RYR2: variants seen among roughly 807,000 people sequenced by gnomAD.
RYR2 encodes the protein cardiac muscle ryanodine receptor-calcium release channel.
RYR2 carries 227 observed loss-of-function variants against 601.1 expected under a neutral mutation model. The ratio of observed to expected loss-of-function variants is 0.38; its 90% CI spans 0.34 to 0.42. The LOEUF (loss-of-function observed/expected upper bound fraction) is 0.42, where lower values mean the gene tolerates loss of function less well. RYR2 is among the 10% of genes least tolerant of loss of function. The pLI, the probability that RYR2 is intolerant of heterozygous loss-of-function variation, is 1.00. For missense variants in RYR2, 4,646 were observed against 6,156.5 expected (o/e 0.75, Z 8.21); for synonymous variants, 2,223 against 2,175.1 (o/e 1.02, Z -0.61).
intron 1 of RYR2, among the ~76,000 whole-genome samples, chr1:237,205,265 C>T (rs12065439): frequency 0.18 from 27,208 of 152,112 alleles, 3,541 homozygotes; most frequent in African/African-American, 0.37. Context: ...CACAGGGTTC[C>T]GAGTGCTGAG....
intron 1 of RYR2, among the ~76,000 whole-genome samples, chr1:237,070,161 G>A (rs1572524111): frequency 6.6e-6 from 1 of 151,596 alleles, no homozygotes; most frequent in South Asian, 2.1e-4. Context: ...CTCTCAAAGT[G>A]CTGGGACTAC....
rs117804817 is a variant in RYR2 at position 237,668,226 on chromosome 1, T to C, written c.8590+268T>C. 4.6e-5 allele frequency among the ~76,000 whole-genome samples: 7 copies of C among 152,348 alleles called. No homozygotes were observed. In the East Asian group the frequency reaches 1.4e-3, roughly 29 times the overall value. ...TCTCATCCTGATATCTGAGTTGTTC[T>C]ATGAATGACTTAGACTTCCCTCCCT... On this transcript the variant is annotated intron_variant, in intron 58 of 104. Coordinates refer to ENST00000366574, the MANE Select transcript of RYR2 (RefSeq NM_001035.3).
At chr1:237,376,993 T>C (rs1012517629) in intron 7 of RYR2, among the ~76,000 whole-genome samples, 3 of 152,304 alleles carry the variant, frequency 2.0e-5, no homozygotes, top group Middle Eastern at 3.4e-3. Flanking sequence ...AATTGGACAG[T>C]ATAATGACAT....
intron 10 of RYR2, among the ~76,000 whole-genome samples, chr1:237,408,745 T>C (rs1704155927): frequency 6.6e-6 from 1 of 152,206 alleles, no homozygotes; most frequent in Non-Finnish European, 1.5e-5. Flanking sequence ...TGTGATTGCT[T>C]TGAAACTATA....
chr1:237,430,093 T>C (rs1003222395), intron 12 of RYR2, among the ~76,000 whole-genome samples: 3 of 150,468 alleles, frequency 2.0e-5, no homozygotes, highest in African/African-American at 7.3e-5. Context: ...GATCAATATA[T>C]ATTGTTAGGT....
At chr1:237,067,701 A>C (rs1050274205) in intron 1 of RYR2, among the ~76,000 whole-genome samples, 6 of 152,204 alleles carry the variant, frequency 3.9e-5, no homozygotes. Flanking sequence ...TTGTGTATCA[A>C]TTTGGGTTGA....
intron 29 of RYR2, among the ~76,000 whole-genome samples, chr1:237,584,658 T>TTTTTTG (rs1559066753): frequency 1.9e-4 from 26 of 137,180 alleles, no homozygotes; most frequent in South Asian, 2.5e-4. Context: ...TGTTTTTTTT[T>TTTTTTG]TTTTTTTTTT....
chr1:237,716,676 G>A (rs1452195489), intron 71 of RYR2, among the ~76,000 whole-genome samples: 3 of 151,704 alleles, frequency 2.0e-5, no homozygotes, highest in African/African-American at 7.3e-5. Context: ...TACTAGACGG[G>A]GACTGAGGCT....
chr1:237,711,868 A>G, intron 71 of RYR2, 31 bp downstream of exon 71: 1 of 982,804 alleles, frequency 1.0e-6, no homozygotes, highest in Non-Finnish European at 1.6e-6. Context: ...ACTGTTCTGG[A>G]AAATATCTGA....
chr1:237,711,833 C>G lies in RYR2; in HGVS notation c.10319C>G (p.Ser3440Ter), dbSNP rs760142218. 7.4e-7 allele frequency: 1 copy of G among 1,355,184 alleles called. No homozygotes were observed. The highest frequency in any genetic ancestry group is 1.1e-6 in the Non-Finnish European group (1 of 947,296). 83.9% of individuals were successfully genotyped at this position (1,355,184 alleles called of 1,614,324 possible). A position where few individuals can be genotyped will look rare whatever the true frequency, so the allele number is the denominator to read the frequency against. ...ATTACTGATACCAAGTCAAAGATGTCAAAGGTATTACTATAAACTGTTTCA... is the reference window on the plus strand; with the variant it reads ...ATTACTGATACCAAGTCAAAGATGTGAAAGGTATTACTATAAACTGTTTCA... ...FLITDTKSKM[S>*]KAAVSDQERK... Residue 3440 changes from serine (S) to a stop codon, truncating the protein, a stop_gained, in exon 71 of 105, where the codon TCA becomes TGA. Transcript: ENST00000366574. LOFTEE classifies it high-confidence loss of function.
At chr1:237,067,183 G>A (rs1663754550) in intron 1 of RYR2, among the ~76,000 whole-genome samples, 2 of 70,636 alleles carry the variant, frequency 2.8e-5, no homozygotes, top group Non-Finnish European at 3.2e-5. Context: ...TTTCTTTTAT[G>A]GATTGTGCTT....
intron 1 of RYR2, among the ~76,000 whole-genome samples, chr1:237,096,459 T>C (rs1000955663): frequency 3.9e-5 from 6 of 152,214 alleles, no homozygotes; most frequent in African/African-American, 1.2e-4. Flanking sequence ...AGGTGGCGGA[T>C]AACAAGACTG....
At chr1:237,743,013 A>G (rs1477631205) in intron 80 of RYR2, among the ~76,000 whole-genome samples, 3 of 152,188 alleles carry the variant, frequency 2.0e-5, no homozygotes, top group Non-Finnish European at 1.5e-5. Context: ...TTTATGAGGA[A>G]AAGCTAGTTG....
chr1:237,374,394 A>G (rs1165763600), intron 6 of RYR2, among the ~76,000 whole-genome samples: 5 of 152,040 alleles, frequency 3.3e-5, no homozygotes, highest in Non-Finnish European at 5.9e-5. Context: ...GTAGTGGTGC[A>G]CACCTGTGGT....
intron 80 of RYR2, chr1:237,755,137 T>C (rs998050698): frequency 4.7e-6 from 6 of 1,268,612 alleles, no homozygotes; most frequent in African/African-American, 4.6e-5. Context: ...TAAATGTCTG[T>C]GTTGGTTGCT....
intron 85 of RYR2, among the ~76,000 whole-genome samples, chr1:237,771,367 C>T (rs1322260942): frequency 6.6e-6 from 1 of 151,680 alleles, no homozygotes; most frequent in Non-Finnish European, 1.5e-5. Flanking sequence ...GCTGTGATTG[C>T]CCCACTGCAC....
intron 4 of RYR2, among the ~76,000 whole-genome samples, chr1:237,362,594 C>G (rs921970580): frequency 3.3e-5 from 5 of 152,136 alleles, no homozygotes; most frequent in Non-Finnish European, 7.3e-5. Flanking sequence ...ATATACTCAT[C>G]TTTTTTGTTT....
intron 1 of RYR2, among the ~76,000 whole-genome samples, chr1:237,242,555 A>T (rs1275840317): frequency 6.6e-6 from 1 of 152,064 alleles, no homozygotes; most frequent in Non-Finnish European, 1.5e-5. Flanking sequence ...ACCTAGGAGA[A>T]ATTAGAGAAG....
In RYR2 at chr1:237,819,223, C is replaced by T. The variant is rs1662162122; in HGVS notation, c.14590+31C>T. 5.0e-6 allele frequency: 8 copies of T among 1,591,620 alleles called. No individual in the cohort carries two copies. The highest frequency in any genetic ancestry group is 6.9e-6 in the Non-Finnish European group (8 of 1,161,704). On this transcript the variant is annotated intron_variant, in intron 101 of 104. Transcript: ENST00000366574. The surrounding 1 kb of genome is among the most constrained non-coding windows in gnomAD (Gnocchi z 4.0). ...TATCCTCCTCACTGAAGCTGATGAA[C>T]ATCTAGAATTTGAGCCACATGTTGC...
Sources: allele counts gnomAD v4.1 joint callset (sites outside exome capture counted in the v4.1 genomes callset), GRCh38; gene constraint gnomAD v4.1.1; non-coding constraint Gnocchi (gnomAD v3.1); transcripts MANE v1.5; gene names NCBI Gene and HGNC (gene_info 2026-07-23, HGNC 2026-07-21).